Variants in TBCE observed in about 807,000 individuals in gnomAD.
The protein encoded by TBCE is tubulin folding cofactor E.
In TBCE, 53 loss-of-function variants were observed where a neutral mutation model predicts 77.0. That is an observed-to-expected ratio of 0.69 (90% CI 0.55 to 0.87). The LOEUF is 0.87. Ranked by LOEUF, TBCE falls within the 40% of genes least tolerant of loss-of-function variation. The pLI is 0.00. For missense variants in TBCE, 624 were observed against 622.4 expected, an observed-to-expected ratio of 1.00 and a Z score of -0.03; for synonymous variants, 235 against 241.3, an observed-to-expected ratio of 0.97 and a Z score of 0.24.
At chr1:235,440,458 T>C (rs1681801014) in intron 13 of TBCE, among the ~76,000 whole-genome samples, 1 of 152,028 alleles carries the variant, frequency 6.6e-6, no homozygotes. Flanking sequence ...AATGGCGCGA[T>C]CTCGGCTCAC....
At chr1:235,371,480 A>C (rs1427461052) in intron 1 of TBCE, among the ~76,000 whole-genome samples, 1 of 145,658 alleles carries the variant, frequency 6.9e-6, no homozygotes, top group East Asian at 2.0e-4. Flanking sequence ...GGTTCAAGTG[A>C]TTCTCCCACC....
At chr1:235,377,082 C>T (rs371418212) in intron 1 of TBCE, among the ~76,000 whole-genome samples, 14 of 152,352 alleles carry the variant, frequency 9.2e-5, no homozygotes, top group East Asian at 5.8e-4. Flanking sequence ...GATCCTGGCC[C>T]CCTTCCCAAT....
chr1:235,435,454 G>A (rs955664219), intron 8 of TBCE, among the ~76,000 whole-genome samples: 4 of 152,104 alleles, frequency 2.6e-5, no homozygotes, highest in Non-Finnish European at 5.9e-5. Flanking sequence ...ATATTCACAT[G>A]AAGTTTTATA....
At chr1:235,444,945 G>GT (rs1210659574) in intron 15 of TBCE, among the ~76,000 whole-genome samples, 1 of 152,268 alleles carries the variant, frequency 6.6e-6, no homozygotes, top group Non-Finnish European at 1.5e-5. Context: ...TTGGCTGGGG[G>GT]TGACAGTGCC....
chr1:235,409,119 C>T (rs1281538452), intron 3 of TBCE, among the ~76,000 whole-genome samples: 1 of 150,042 alleles, frequency 6.7e-6, no homozygotes, highest in Admixed American at 6.7e-5. Flanking sequence ...ATCTTCGATT[C>T]TATGTGGCAG....
intron 4 of TBCE, among the ~76,000 whole-genome samples, chr1:235,418,281 A>G (rs539366747): frequency 1.3e-5 from 2 of 152,326 alleles, no homozygotes; most frequent in South Asian, 4.1e-4. Flanking sequence ...ACTACCAGGA[A>G]TAATGCTGCT....
chr1:235,428,836 G>T (rs965574837), intron 6 of TBCE, among the ~76,000 whole-genome samples: 4 of 151,170 alleles, frequency 2.6e-5, no homozygotes, highest in African/African-American at 9.7e-5. Context: ...TAGAGACGGG[G>T]TTTCACTATG....
At chr1:235,372,073 C>T (rs547558231) in intron 1 of TBCE, among the ~76,000 whole-genome samples, 35 of 152,282 alleles carry the variant, frequency 2.3e-4, no homozygotes, top group Non-Finnish European at 4.3e-4. Flanking sequence ...CCTCGAACTC[C>T]TGGGCTCAGG....
chr1:235,437,560 C>A, intron 12 of TBCE, 86 bp downstream of exon 12: 1 of 1,526,894 alleles, frequency 6.5e-7, no homozygotes, highest in South Asian at 1.1e-5. Context: ...ACCTGTAATC[C>A]CAGCACTTTG....
chr1:235,448,625 G>A, intron 16 of TBCE, 45 bp from the exon 17 acceptor site: 4 of 1,535,198 alleles, frequency 2.6e-6, no homozygotes, highest in Non-Finnish European at 3.6e-6. Flanking sequence ...TGCTTTATCG[G>A]ATCTGTCTTA....
chr1:235,447,940 T>A (rs1354478921), intron 15 of TBCE, among the ~76,000 whole-genome samples: 1 of 151,958 alleles, frequency 6.6e-6, no homozygotes, highest in South Asian at 2.1e-4. Flanking sequence ...AGCCAGGCGC[T>A]GGGCTCATGC....
At chr1:235,400,983 C>G (rs10158459) in intron 2 of TBCE, among the ~76,000 whole-genome samples, 1 of 150,864 alleles carries the variant, frequency 6.6e-6, no homozygotes, top group Non-Finnish European at 1.5e-5. Context: ...GGACTACAGG[C>G]GTAAGCCACT....
intron 3 of TBCE, among the ~76,000 whole-genome samples, chr1:235,412,097 C>T (rs1300741268): frequency 3.5e-5 from 4 of 112,996 alleles, no homozygotes; most frequent in African/African-American, 1.6e-4. Flanking sequence ...TCCAAGTTTC[C>T]CTTCCCATCC....
chr1:235,438,766 T>C lies in TBCE; in HGVS notation c.1117-3T>C, dbSNP rs767597135. 1.2e-5 allele frequency: 20 copies of C among 1,614,116 alleles called. No individual in the cohort carries two copies. The highest frequency in any genetic ancestry group is 1.7e-5 in the Admixed American group (1 of 60,014). Reference sequence around the variant, plus strand: ...GGCTTGTTTTTATGTCACATGAACATAGATTCTCCCCGAGGAGAGGCGGAG... The same window carrying C: ...GGCTTGTTTTTATGTCACATGAACACAGATTCTCCCCGAGGAGAGGCGGAG... On this transcript the variant is annotated splice_region_variant and splice_polypyrimidine_tract_variant and intron_variant, in intron 12 of 16. Coordinates refer to ENST00000642610, the MANE Select transcript of TBCE (RefSeq NM_003193.5).
At chr1:235,394,662 C>T (rs759367640) in intron 2 of TBCE, among the ~76,000 whole-genome samples, 1 of 151,966 alleles carries the variant, frequency 6.6e-6, no homozygotes, top group Non-Finnish European at 1.5e-5. Flanking sequence ...CTCAAGCAAT[C>T]TGCCTGCCTA....
Position 235,450,464 on chromosome 1 carries a change from G to C in TBCE, c.*1702G>C. On this transcript the variant is annotated 3_prime_UTR_variant, in exon 17 of 17. Coordinates refer to ENST00000642610, the MANE Select transcript of TBCE (RefSeq NM_003193.5). ...CTGAAATTATTTCAAGGATAACTCCGTGTGTGGAACAACTGGTGAGGTTTG... is the reference window on the plus strand; with the variant it reads ...CTGAAATTATTTCAAGGATAACTCCCTGTGTGGAACAACTGGTGAGGTTTG... 4.0e-6 allele frequency: 5 copies of C among 1,236,304 alleles called. No individual in the cohort carries two copies. Among genetic ancestry groups the C allele is most frequent in the Admixed American group, 2.1e-5 (1 of 48,062 alleles). 76.6% of individuals were successfully genotyped at this position (1,236,304 alleles called of 1,614,324 possible).
intron 3 of TBCE, among the ~76,000 whole-genome samples, chr1:235,404,284 A>G (rs987338656): frequency 1.8e-5 from 2 of 113,504 alleles, no homozygotes; most frequent in Non-Finnish European, 3.9e-5. Flanking sequence ...CTCAAGAAAA[A>G]AAAAAAATTA....
At chr1:235,427,806 G>A (rs1010461596) in intron 6 of TBCE, among the ~76,000 whole-genome samples, 2 of 152,096 alleles carry the variant, frequency 1.3e-5, no homozygotes, top group African/African-American at 2.4e-5. Flanking sequence ...TGAGGCAGGC[G>A]GATCACCTGA....
intron 1 of TBCE, among the ~76,000 whole-genome samples, chr1:235,378,860 C>G (rs1445785016): frequency 2.0e-5 from 3 of 151,410 alleles, no homozygotes; most frequent in Non-Finnish European, 4.4e-5. Flanking sequence ...GACTCTGTCT[C>G]AAGAAAAGAA....
Sources: gnomAD v4.1 joint callset for allele counts (sites outside exome capture counted in the v4.1 genomes callset) on GRCh38, gnomAD v4.1.1 for gene constraint, MANE v1.5 for transcripts, NCBI Gene and HGNC (gene_info 2026-07-23, HGNC 2026-07-21) for gene names.